Variants in GPC5 observed in about 807,000 individuals in gnomAD.
The protein encoded by GPC5 is glypican-5.
A neutral mutation model predicts 53.9 loss-of-function variants in GPC5; 47 were observed. That is an observed-to-expected ratio of 0.87 (90% CI 0.69 to 1.11). GPC5 has a LOEUF of 1.11. GPC5 is among the 50% of genes most tolerant of loss of function. The pLI is 0.00. For synonymous variants in GPC5, 286 were observed against 263.3 expected, an observed-to-expected ratio of 1.09 and a Z score of -0.84; for missense variants, 748 against 713.1, an observed-to-expected ratio of 1.05 and a Z score of -0.56.
At chr13:91,653,739 A>T (rs2034776839) in intron 2 of GPC5, among the ~76,000 whole-genome samples, 1 of 152,146 alleles carries the variant, frequency 6.6e-6, no homozygotes, top group African/African-American at 2.4e-5. Flanking sequence ...AAAACATCAT[A>T]GGCAAGTTAT....
intron 6 of GPC5, among the ~76,000 whole-genome samples, chr13:92,007,403 T>C (rs2040616907): frequency 6.6e-6 from 1 of 152,214 alleles, no homozygotes; most frequent in South Asian, 2.1e-4. Context: ...GAAGTTCTGA[T>C]ATTAGGTTCA....
At position 92,050,726 on chromosome 13, in the gene GPC5, T is replaced by C. The variant is rs117801203; in HGVS notation, c.1402-94104T>C. On this transcript the variant is annotated intron_variant, in intron 6 of 7. Transcript: ENST00000377067. ...CCTGAAGTGTAAATTTGAGTCTGTA[T>C]AATAGAATTTGATCACTTCTTCACA... Among the ~76,000 whole-genome samples, 802 of 152,324 alleles carry C rather than the reference T, an allele frequency of 5.3e-3. 5 individuals carry two copies. The highest frequency in any genetic ancestry group is 0.014 in the Middle Eastern group (4 of 294).
At chr13:91,503,223 A>C (rs1216707626) in intron 2 of GPC5, among the ~76,000 whole-genome samples, 2 of 152,186 alleles carry the variant, frequency 1.3e-5, no homozygotes, top group Non-Finnish European at 2.9e-5. Flanking sequence ...GGAATGGTAG[A>C]GCTTTTCAGA....
At chr13:91,843,091 C>T (rs1228583255) in intron 5 of GPC5, among the ~76,000 whole-genome samples, 2 of 152,036 alleles carry the variant, frequency 1.3e-5, no homozygotes, top group African/African-American at 4.8e-5. Context: ...GACTGTGTAA[C>T]AAGTCACAAT....
At chr13:92,726,193 T>A (rs1888642233) in intron 7 of GPC5, among the ~76,000 whole-genome samples, 1 of 151,540 alleles carries the variant, frequency 6.6e-6, no homozygotes, top group Non-Finnish European at 1.5e-5. Flanking sequence ...AGGCTTGGTA[T>A]CCCACATGTT....
intron 6 of GPC5, among the ~76,000 whole-genome samples, chr13:92,018,020 G>A (rs559510143): frequency 6.6e-6 from 1 of 151,672 alleles, no homozygotes; most frequent in Admixed American, 6.6e-5. Flanking sequence ...ACACATGCAC[G>A]AGTACACACA....
At chr13:91,435,920 G>T (rs1018025847) in intron 1 of GPC5, among the ~76,000 whole-genome samples, 1 of 152,182 alleles carries the variant, frequency 6.6e-6, no homozygotes, top group Non-Finnish European at 1.5e-5. Flanking sequence ...TCTTGGGAGG[G>T]TGTATGTGTC....
At chr13:92,289,868 A>T (rs2042981554) in intron 7 of GPC5, among the ~76,000 whole-genome samples, 1 of 152,080 alleles carries the variant, frequency 6.6e-6, no homozygotes, top group Non-Finnish European at 1.5e-5. Context: ...TAATCTGCCT[A>T]AAAATTCCCT....
chr13:91,762,899 T>G (rs2037444352), intron 5 of GPC5, among the ~76,000 whole-genome samples: 1 of 152,174 alleles, frequency 6.6e-6, no homozygotes, highest in South Asian at 2.1e-4. Context: ...CATTTGTGTT[T>G]CATTTTAACC....
intron 7 of GPC5, among the ~76,000 whole-genome samples, chr13:92,636,239 A>G: frequency 6.6e-6 from 1 of 152,328 alleles, no homozygotes; most frequent in African/African-American, 2.4e-5. Flanking sequence ...TATATTAAGC[A>G]TTCATTTTTT....
intron 4 of GPC5, among the ~76,000 whole-genome samples, chr13:91,755,940 G>T (rs2037280013): frequency 6.6e-6 from 1 of 151,946 alleles, no homozygotes; most frequent in South Asian, 2.1e-4. Flanking sequence ...CTTTTAGGGA[G>T]GCTAAATGAA....
chr13:91,482,155 G>A (rs1282640040), intron 2 of GPC5, among the ~76,000 whole-genome samples: 2 of 152,152 alleles, frequency 1.3e-5, no homozygotes, highest in Non-Finnish European at 2.9e-5. Context: ...GTGTTGAGAG[G>A]TGGGGCCTAA....
intron 7 of GPC5, among the ~76,000 whole-genome samples, chr13:92,322,688 A>G (rs2043224194): frequency 6.6e-6 from 1 of 152,172 alleles, no homozygotes; most frequent in African/African-American, 2.4e-5. Flanking sequence ...GTAGAAATAT[A>G]TTTCATAAGC....
rs1313252661 is a variant in GPC5 at position 92,682,538 on chromosome 13, C to T, written c.1562-183744C>T. 2.0e-5 allele frequency among the ~76,000 whole-genome samples: 3 copies of T among 152,092 alleles called. 1 individual carries two copies. The highest frequency in any genetic ancestry group is 7.2e-5 in the African/African-American group (3 of 41,404). On this transcript the variant is annotated intron_variant, in intron 7 of 7. Transcript: ENST00000377067. ...TTTTACTGTTCTTAATGTAAAGCTT[C>T]TAAATTAGATATACATAAGCACTCA...
intron 7 of GPC5, among the ~76,000 whole-genome samples, chr13:92,152,056 A>G (rs76938856): frequency 0.029 from 4,355 of 152,286 alleles, 94 homozygotes; most frequent in Non-Finnish European, 0.041. Context: ...GGGTGTGTTT[A>G]CAGAGGAACA....
intron 5 of GPC5, among the ~76,000 whole-genome samples, chr13:91,788,054 A>G (rs1228181942): frequency 4.6e-5 from 7 of 152,188 alleles, no homozygotes; most frequent in Non-Finnish European, 8.8e-5. Flanking sequence ...ATTCTTTCCA[A>G]TAAAAATTCA....
intron 7 of GPC5, among the ~76,000 whole-genome samples, chr13:92,164,765 C>T (rs374723731): frequency 2.0e-5 from 3 of 152,310 alleles, no homozygotes; most frequent in East Asian, 3.9e-4. Flanking sequence ...CCACAGTGTC[C>T]TAGCAGAGGC....
At chr13:92,387,320 A>G (rs1874779502) in intron 7 of GPC5, among the ~76,000 whole-genome samples, 1 of 152,220 alleles carries the variant, frequency 6.6e-6, no homozygotes, top group Non-Finnish European at 1.5e-5. Context: ...GAGCACGTTT[A>G]CCATATTCTA....
chr13:91,783,407 C>T lies in GPC5; in HGVS notation c.1280+26987C>T, dbSNP rs137870183. Among the ~76,000 whole-genome samples the T allele has an allele frequency of 5.5e-3, 837 of 152,120 alleles. 3 individuals are homozygous for T. The highest frequency in any genetic ancestry group is 0.014 in the Middle Eastern group (4 of 294). On this transcript the variant is annotated intron_variant, in intron 5 of 7. Transcript: ENST00000377067. ...AGAAACTGACAAAAGACAGTTTTACCTAAATTTAAAAAATAGTTTTTACTT... is the reference window on the plus strand; with the variant it reads ...AGAAACTGACAAAAGACAGTTTTACTTAAATTTAAAAAATAGTTTTTACTT...
Sources: gnomAD v4.1 joint callset for allele counts (sites outside exome capture counted in the v4.1 genomes callset) on GRCh38, gnomAD v4.1.1 for gene constraint, MANE v1.5 for transcripts, NCBI Gene and HGNC (gene_info 2026-07-23, HGNC 2026-07-21) for gene names.